NOMO1: variants seen among roughly 807,000 people sequenced by gnomAD.
NOMO1 encodes nodal modulator 3.
A neutral mutation model predicts 133.8 loss-of-function variants in NOMO1; 40 were observed. The observed-to-expected ratio is 0.30, with a 90% confidence interval of 0.23 to 0.39. The LOEUF (loss-of-function observed/expected upper bound fraction) is 0.39. Ranked by LOEUF, NOMO1 falls within the 10% of genes least tolerant of loss-of-function variation. The pLI is 1.00. For missense variants in NOMO1, 462 were observed against 1,419.9 expected (o/e 0.33, Z 10.84); for synonymous variants, 236 against 570.5 (o/e 0.41, Z 8.36).
rs1964138869 is a variant in NOMO1, at chr16:14,875,224, C to T, written c.2243C>T (p.Pro748Leu). ...GAGATGGTAGATGAGTTACAAGGCC[C>T]CTTCTCGTATGATTTCTCTTACTGG... ...VQEMVDELQG[P>L]FSYDFSYWAR... Residue 748 changes from proline (P) to leucine (L), a missense_variant, in exon 19 of 31, where the codon CCC becomes CTC. Physicochemically the swap from Pro to Leu is moderately conservative, Grantham distance 98. Coordinates refer to ENST00000287667, the MANE Select transcript of NOMO1 (RefSeq NM_014287.4). 3.1e-6 allele frequency: 5 copies of T among 1,612,538 alleles called. No individual in the cohort carries two copies. The highest frequency in any genetic ancestry group is 4.2e-6 in the Non-Finnish European group (5 of 1,179,784).
In NOMO1 at chr16:14,850,454, T is replaced by C. The variant is rs568973697; in HGVS notation, c.582+1483T>C. Reference sequence around the variant, plus strand: ...TAAGTGTTCTTTAGCATATCTTTTTTTGTTTGACTGAAATAGTTTATAGTC... The same window carrying C: ...TAAGTGTTCTTTAGCATATCTTTTTCTGTTTGACTGAAATAGTTTATAGTC... On this transcript the variant is annotated intron_variant, in intron 6 of 30. Coordinates refer to ENST00000287667, the MANE Select transcript of NOMO1 (RefSeq NM_014287.4). Among the ~76,000 whole-genome samples, 8 of 151,304 alleles carry C rather than the reference T, an allele frequency of 5.3e-5. No individual in the cohort carries two copies. The East Asian group carries it at 1.6e-3, about 29-fold the overall frequency.
chr16:14,874,809 C>T (rs1290877947), intron 18 of NOMO1, among the ~76,000 whole-genome samples: 1 of 151,902 alleles, frequency 6.6e-6, no homozygotes, highest in Non-Finnish European at 1.5e-5. Flanking sequence ...TAAAATCAAC[C>T]GTATTTCATT....
chr16:14,859,798 A>G (rs2856549), intron 11 of NOMO1, among the ~76,000 whole-genome samples: 47 of 152,250 alleles, frequency 3.1e-4, no homozygotes, highest in East Asian at 2.5e-3. Flanking sequence ...TGTTGTGCAG[A>G]GAAGAGATCA....
chr16:14,885,600 G>T (rs1008704367), intron 27 of NOMO1, among the ~76,000 whole-genome samples: 3 of 151,776 alleles, frequency 2.0e-5, no homozygotes, highest in Non-Finnish European at 4.4e-5. Context: ...TTCAGGGCTT[G>T]CAGGCGTGTG....
chr16:14,879,673 A>G (rs1267143685), intron 23 of NOMO1, among the ~76,000 whole-genome samples: 3 of 140,120 alleles, frequency 2.1e-5, no homozygotes, highest in African/African-American at 8.2e-5. Context: ...TGAGCCCAGA[A>G]GGTTGAGACT....
intron 1 of NOMO1, among the ~76,000 whole-genome samples, chr16:14,836,932 C>T (rs1963524011): frequency 6.6e-6 from 1 of 151,654 alleles, no homozygotes; most frequent in Admixed American, 6.6e-5. Flanking sequence ...GTCTCGATCT[C>T]CTGACCTCAT....
In NOMO1 at chr16:14,886,788, G is replaced by A. The variant is rs1374985764; in HGVS notation, c.3250G>A (p.Asp1084Asn). 7 of 1,611,436 alleles carry A rather than the reference G, an allele frequency of 4.3e-6. No individual in the cohort carries two copies. Among genetic ancestry groups the A allele is most frequent in the South Asian group, 3.3e-5 (3 of 90,940 alleles). ...CAAGCTTTACAAAAGCGAAAACCTC[G>A]ACAATCCAATCCAGACAGTTTCCCT... ...WVKLYKSENL[D>N]NPIQTVSLGQ... The change falls in exon 28 of 31, where the codon GAC (aspartate) becomes AAC (asparagine). Residue 1084 changes from aspartate (D) to asparagine (N), a missense_variant. Coordinates refer to ENST00000287667, the MANE Select transcript of NOMO1 (RefSeq NM_014287.4).
chr16:14,880,563 G>C (rs1240176849), intron 24 of NOMO1, among the ~76,000 whole-genome samples: 1 of 150,542 alleles, frequency 6.6e-6, no homozygotes, highest in Admixed American at 6.6e-5. Flanking sequence ...TCTATTTTTA[G>C]TAGAGACAAG....
At chr16:14,871,986 A>C (rs991414500) in intron 17 of NOMO1, among the ~76,000 whole-genome samples, 4 of 152,008 alleles carry the variant, frequency 2.6e-5, no homozygotes, top group African/African-American at 9.7e-5. Context: ...TGTCAAGTTC[A>C]AGTCTGCCAT....
chr16:14,857,763 A>G lies in NOMO1; in HGVS notation c.1220+108A>G, dbSNP rs1372111606. The G allele has an allele frequency of 2.8e-6, 4 of 1,410,986 alleles. No homozygotes were observed. In the African/African-American group the frequency reaches 6.5e-5, roughly 23 times the overall value. The allele number at this position is 1,410,986 out of a possible 1,614,324, so 87.4% of individuals were successfully genotyped here. A position where few individuals can be genotyped will look rare whatever the true frequency, so the allele number is the denominator to read the frequency against. ...CTTTGCCGAGCTTAAGAACTTAAGA[A>G]AGATTAGTACTTTTTTTTTTTTTTT... is the stretch of plus-strand genomic sequence containing the variant. On this transcript the variant is annotated intron_variant, in intron 11 of 30. Coordinates refer to ENST00000287667, the MANE Select transcript of NOMO1 (RefSeq NM_014287.4).
chr16:14,856,848 G>T (rs1176628127), intron 9 of NOMO1, among the ~76,000 whole-genome samples: 1 of 151,900 alleles, frequency 6.6e-6, no homozygotes, highest in Non-Finnish European at 1.5e-5. Context: ...GTGATGCCGG[G>T]GTGTGCATGG....
At chr16:14,858,701 C>A (rs1195635969) in intron 11 of NOMO1, among the ~76,000 whole-genome samples, 1 of 152,108 alleles carries the variant, frequency 6.6e-6, no homozygotes, top group Non-Finnish European at 1.5e-5. Flanking sequence ...GGGCTTTCTC[C>A]CACTGGGGCC....
intron 2 of NOMO1, among the ~76,000 whole-genome samples, chr16:14,840,932 G>A (rs1344491139): frequency 6.6e-6 from 1 of 151,646 alleles, no homozygotes; most frequent in Non-Finnish European, 1.5e-5. Flanking sequence ...CTCCCACAGT[G>A]TTGGGATTAT....
chr16:14,887,407 C>T (rs1049469883), intron 28 of NOMO1, among the ~76,000 whole-genome samples: 2 of 151,864 alleles, frequency 1.3e-5, no homozygotes, highest in African/African-American at 2.4e-5. Flanking sequence ...CATTCTCCTG[C>T]CTCAGCCTCC....
chr16:14,842,091 G>T (rs1435198688), intron 3 of NOMO1, among the ~76,000 whole-genome samples: 1 of 151,956 alleles, frequency 6.6e-6, no homozygotes. Flanking sequence ...TCATATAACT[G>T]CCTTCAAGCA....
rs144213962 is a variant in NOMO1, at chr16:14,873,321, C to T, written c.2054+992C>T. Among the ~76,000 whole-genome samples, 485 of 128,016 alleles carry T rather than the reference C, an allele frequency of 3.8e-3. 4 individuals carry two copies. The highest frequency in any genetic ancestry group is 0.012 in the African/African-American group (459 of 36,746). The allele number at this position is 128,016 out of a possible 152,430, so 84.0% of individuals were successfully genotyped here. A position where few individuals can be genotyped will look rare whatever the true frequency, so the allele number is the denominator to read the frequency against. ...CTTCCTGAAAGGTCCCCCTATTGGC[C>T]GAGTGGAGAACAGACAGAAGAGGCC... On this transcript the variant is annotated intron_variant, in intron 18 of 30. Coordinates refer to ENST00000287667, the MANE Select transcript of NOMO1 (RefSeq NM_014287.4).
At chr16:14,855,369 T>G (rs1963818407) in intron 9 of NOMO1, among the ~76,000 whole-genome samples, 2 of 151,018 alleles carry the variant, frequency 1.3e-5, no homozygotes, top group Admixed American at 1.3e-4. Flanking sequence ...CTGTAGAAAA[T>G]TGGCTAGCTA....
At chr16:14,839,742 T>C (rs896822285) in intron 2 of NOMO1, among the ~76,000 whole-genome samples, 5 of 151,746 alleles carry the variant, frequency 3.3e-5, no homozygotes, top group African/African-American at 4.9e-5. Flanking sequence ...TCTACTGACT[T>C]TTTTTTCTTT....
chr16:14,884,318 A>T, intron 26 of NOMO1, 54 bp from the exon 27 acceptor site: 1 of 1,173,840 alleles, frequency 8.5e-7, no homozygotes, highest in Non-Finnish European at 1.2e-6. Flanking sequence ...CAGCTGGCAT[A>T]GAAGTTCCTC....
Sources: allele counts gnomAD v4.1 joint callset (sites outside exome capture counted in the v4.1 genomes callset), GRCh38; gene constraint gnomAD v4.1.1; transcripts MANE v1.5; gene names NCBI Gene and HGNC (gene_info 2026-07-23, HGNC 2026-07-21).